The following KCNMA1 variants were observed in gnomAD, a reference collection of about 807,000 sequenced individuals.
The protein encoded by KCNMA1 is Calcium-activated potassium channel subunit alpha-1.
A neutral mutation model predicts 140.0 loss-of-function variants in KCNMA1; 29 were observed. The ratio of observed to expected loss-of-function variants is 0.21; its 90% CI spans 0.15 to 0.28. The LOEUF (loss-of-function observed/expected upper bound fraction) is 0.28, where lower values mean the gene tolerates loss of function less well. Among genes scored for constraint, KCNMA1 ranks in the 10% least tolerant of loss-of-function variants. The pLI is 1.00. For missense variants in KCNMA1, 880 were observed against 1,602.2 expected, an observed-to-expected ratio of 0.55 and a Z score of 7.70; for synonymous variants, 612 against 611.9, an observed-to-expected ratio of 1.00 and a Z score of 0.00.
At chr10:77,081,997 TTTTTCTTTTC>T (rs1186524978) in intron 12 of KCNMA1, among the ~76,000 whole-genome samples, 10 of 73,102 alleles carry the variant, frequency 1.4e-4, no homozygotes, top group African/African-American at 5.0e-4. Context: ...GTAATTTCTT[TTTTTCTTTTC>T]TTTTTTTTTT....
At chr10:77,429,442 C>A (rs868069614) in intron 1 of KCNMA1, among the ~76,000 whole-genome samples, 7 of 152,306 alleles carry the variant, frequency 4.6e-5, no homozygotes, top group Middle Eastern at 3.4e-3. Flanking sequence ...CCCAACATGG[C>A]CAAACGTCCC....
At chr10:76,919,428 T>C (rs899295125) in intron 23 of KCNMA1, among the ~76,000 whole-genome samples, 10 of 152,148 alleles carry the variant, frequency 6.6e-5, no homozygotes, top group Non-Finnish European at 1.5e-4. Context: ...TGTTACCTAT[T>C]TTATTCATTC....
intron 1 of KCNMA1, among the ~76,000 whole-genome samples, chr10:77,572,569 C>CATATATAAATATAT (rs2071895474): frequency 2.7e-5 from 1 of 37,568 alleles, no homozygotes; most frequent in Non-Finnish European, 4.7e-5. Context: ...AAAAAAAATC[C>CATATATAAATATAT]ATATATATAT....
chr10:77,338,955 C>T (rs975654884), intron 2 of KCNMA1, among the ~76,000 whole-genome samples: 23 of 152,232 alleles, frequency 1.5e-4, no homozygotes, highest in East Asian at 3.9e-4. Context: ...AGCCCAGATG[C>T]GTCTCTAGAG....
intron 2 of KCNMA1, among the ~76,000 whole-genome samples, chr10:77,336,807 C>A (rs1488776816): frequency 6.6e-6 from 1 of 152,174 alleles, no homozygotes; most frequent in African/African-American, 2.4e-5. Flanking sequence ...GCTGATGGAC[C>A]TCTTAGAATC....
At chr10:77,043,594 A>G (rs1594604742) in intron 14 of KCNMA1, among the ~76,000 whole-genome samples, 1 of 152,222 alleles carries the variant, frequency 6.6e-6, no homozygotes, top group Non-Finnish European at 1.5e-5. Context: ...AAGCACCCCA[A>G]GTGTCCATGG....
At chr10:77,478,907 T>C (rs1193235066) in intron 1 of KCNMA1, among the ~76,000 whole-genome samples, 4 of 152,232 alleles carry the variant, frequency 2.6e-5, no homozygotes, top group Admixed American at 2.6e-4. Flanking sequence ...AGAGTCCCAG[T>C]GTCACTTGGA....
chr10:77,461,241 C>CA (rs2154524292), intron 1 of KCNMA1, among the ~76,000 whole-genome samples: 2 of 106,842 alleles, frequency 1.9e-5, no homozygotes, highest in Middle Eastern at 9.7e-3. Context: ...TTTTTTTTTT[C>CA]AAAAAAGAGG....
chr10:76,993,738 A>G (rs1371310707), intron 19 of KCNMA1, among the ~76,000 whole-genome samples: 2 of 152,208 alleles, frequency 1.3e-5, no homozygotes, highest in Non-Finnish European at 1.5e-5. Flanking sequence ...TCAAACACCA[A>G]TATGATAGTG....
chr10:77,534,479 G>T (rs995176740), intron 1 of KCNMA1, among the ~76,000 whole-genome samples: 1 of 152,130 alleles, frequency 6.6e-6, no homozygotes, highest in Non-Finnish European at 1.5e-5. Flanking sequence ...AACTAGATAC[G>T]AGGTCCTTTC....
chr10:77,404,132 C>G, intron 1 of KCNMA1, 109 bp from the exon 2 acceptor site: 2 of 1,039,098 alleles, frequency 1.9e-6, no homozygotes, highest in Non-Finnish European at 3.0e-6. Flanking sequence ...GAGATGGAAA[C>G]TAGCTTAAAG....
intron 15 of KCNMA1, among the ~76,000 whole-genome samples, chr10:77,037,294 C>T (rs1000643021): frequency 1.3e-5 from 2 of 152,200 alleles, no homozygotes; most frequent in Non-Finnish European, 2.9e-5. Flanking sequence ...AACTACATGA[C>T]TATACTAACC....
intron 3 of KCNMA1, among the ~76,000 whole-genome samples, chr10:77,240,876 T>C (rs1378471636): frequency 6.6e-6 from 1 of 152,222 alleles, no homozygotes; most frequent in Middle Eastern, 3.2e-3. Flanking sequence ...TTTTGTACTG[T>C]TGCACTCTCA....
At chr10:77,252,440 G>T (rs535244287) in intron 2 of KCNMA1, among the ~76,000 whole-genome samples, 1 of 152,230 alleles carries the variant, frequency 6.6e-6, no homozygotes, top group South Asian at 2.1e-4. Flanking sequence ...AGTCTCCTCA[G>T]TGTCCATCTA....
chr10:77,126,681 C>T (rs908102362), intron 5 of KCNMA1, among the ~76,000 whole-genome samples: 1 of 151,768 alleles, frequency 6.6e-6, no homozygotes, highest in Non-Finnish European at 1.5e-5. Context: ...GCTGCCTCAC[C>T]TGGGGCTACA....
intron 1 of KCNMA1, among the ~76,000 whole-genome samples, chr10:77,588,645 A>G (rs1484773183): frequency 2.0e-5 from 3 of 152,174 alleles, no homozygotes; most frequent in African/African-American, 7.2e-5. Flanking sequence ...AGATATTTTA[A>G]TATCCTGTTC....
chr10:77,291,830 A>C (rs1456915838), intron 2 of KCNMA1, among the ~76,000 whole-genome samples: 2 of 152,108 alleles, frequency 1.3e-5, no homozygotes, highest in African/African-American at 2.4e-5. Flanking sequence ...AGGTGTTCTT[A>C]ATTCTGCCTT....
At chr10:77,624,443 T>A (rs901923045) in intron 1 of KCNMA1, among the ~76,000 whole-genome samples, 1 of 152,158 alleles carries the variant, frequency 6.6e-6, no homozygotes, top group Admixed American at 6.5e-5. Context: ...GTATTTCCAA[T>A]GGGGCCTGTG....
At chr10:77,066,706 G>A (rs1421774263) in intron 14 of KCNMA1, among the ~76,000 whole-genome samples, 3 of 152,198 alleles carry the variant, frequency 2.0e-5, no homozygotes, top group Non-Finnish European at 4.4e-5. Context: ...AGGAATATGT[G>A]CAGAAGTCTG....
Sources: allele counts gnomAD v4.1 joint callset (sites outside exome capture counted in the v4.1 genomes callset), GRCh38; gene constraint gnomAD v4.1.1; transcripts MANE v1.5; gene names NCBI Gene and HGNC (gene_info 2026-07-23, HGNC 2026-07-21).